Variants in PPP3CA observed in about 807,000 individuals in gnomAD.
PPP3CA encodes the protein protein phosphatase 3 catalytic subunit alpha.
Under a neutral mutation model 66.5 loss-of-function variants are expected in PPP3CA, and 14 were observed. The ratio of observed to expected loss-of-function variants is 0.21; its 90% CI spans 0.14 to 0.33. The LOEUF is 0.33. Among genes scored for constraint, PPP3CA ranks in the 10% least tolerant of loss-of-function variants. The probability of loss-of-function intolerance (pLI) is 1.00; values close to 1 mark genes in which losing one functional copy is unlikely to be tolerated. For missense variants in PPP3CA, 317 were observed against 639.5 expected (o/e 0.50, Z 5.44); for synonymous variants, 232 against 226.2 (o/e 1.03, Z -0.23).
At chr4:101,201,423 T>C (rs1724963818) in intron 1 of PPP3CA, among the ~76,000 whole-genome samples, 1 of 152,252 alleles carries the variant, frequency 6.6e-6, no homozygotes, top group Admixed American at 6.5e-5. Flanking sequence ...TGGTTTAGGG[T>C]AGGGCCAGGG....
chr4:101,265,355 C>T (rs537470127), intron 1 of PPP3CA, among the ~76,000 whole-genome samples: 2 of 152,180 alleles, frequency 1.3e-5, no homozygotes, highest in East Asian at 3.9e-4. Flanking sequence ...GTAATCTTTC[C>T]ACCTCAGCCT....
intron 1 of PPP3CA, among the ~76,000 whole-genome samples, chr4:101,225,416 T>C (rs1172237811): frequency 1.3e-5 from 2 of 151,782 alleles, no homozygotes; most frequent in African/African-American, 4.8e-5. Flanking sequence ...AAAAAAAGTC[T>C]CGTGATCTGG....
intron 2 of PPP3CA, among the ~76,000 whole-genome samples, chr4:101,137,663 T>C (rs953789150): frequency 6.6e-6 from 1 of 152,192 alleles, no homozygotes; most frequent in African/African-American, 2.4e-5. Flanking sequence ...GGTGTCTGCC[T>C]GTGGGATATT....
intron 1 of PPP3CA, among the ~76,000 whole-genome samples, chr4:101,298,376 T>C (rs940707703): frequency 6.6e-6 from 1 of 151,216 alleles, no homozygotes; most frequent in African/African-American, 2.5e-5. Context: ...GTTGACCCTT[T>C]AACAACGTAA....
intron 8 of PPP3CA, among the ~76,000 whole-genome samples, chr4:101,076,110 G>A (rs1401287316): frequency 1.3e-5 from 2 of 152,080 alleles, no homozygotes; most frequent in Non-Finnish European, 2.9e-5. Flanking sequence ...GAGTAATTAG[G>A]AAATAGGTTT....
chr4:101,295,270 C>T (rs1367380970), intron 1 of PPP3CA, among the ~76,000 whole-genome samples: 3 of 143,548 alleles, frequency 2.1e-5, no homozygotes, highest in Admixed American at 7.1e-5. Context: ...CACTGCAGTC[C>T]GCAGTCCGGC....
At chr4:101,094,070 T>C (rs1231621961) in intron 5 of PPP3CA, among the ~76,000 whole-genome samples, 155 bp from the exon 6 acceptor site, 1 of 152,106 alleles carries the variant, frequency 6.6e-6, no homozygotes, top group Non-Finnish European at 1.5e-5. Context: ...TTCCTGTCCT[T>C]CTTCCTACTC....
At chr4:101,200,746 C>A (rs1215885130) in intron 1 of PPP3CA, among the ~76,000 whole-genome samples, 2 of 152,098 alleles carry the variant, frequency 1.3e-5, no homozygotes, top group Non-Finnish European at 2.9e-5. Context: ...TGGAGCAAAA[C>A]TAGAAAACTC....
At chr4:101,046,261 G>A (rs1473839247) in intron 10 of PPP3CA, among the ~76,000 whole-genome samples, 5 of 150,730 alleles carry the variant, frequency 3.3e-5, no homozygotes, top group Non-Finnish European at 7.4e-5. Flanking sequence ...AAAACGACCA[G>A]TTTGAAAAAA....
At chr4:101,156,573 G>A (rs1723328456) in intron 2 of PPP3CA, among the ~76,000 whole-genome samples, 1 of 152,036 alleles carries the variant, frequency 6.6e-6, no homozygotes, top group Non-Finnish European at 1.5e-5. Context: ...CCAGCTACTC[G>A]GGAGACTGAG....
intron 1 of PPP3CA, among the ~76,000 whole-genome samples, chr4:101,342,113 A>T (rs1729837409): frequency 6.6e-6 from 1 of 152,220 alleles, no homozygotes; most frequent in Non-Finnish European, 1.5e-5. Flanking sequence ...AAATAAAACA[A>T]AGAGACAAAT....
chr4:101,243,767 A>G (rs1238256168), intron 1 of PPP3CA, among the ~76,000 whole-genome samples: 1 of 152,196 alleles, frequency 6.6e-6, no homozygotes, highest in Non-Finnish European at 1.5e-5. Context: ...ATTCTTGGCC[A>G]GGAGTTAAAC....
intron 2 of PPP3CA, among the ~76,000 whole-genome samples, chr4:101,157,732 T>A (rs929101283): frequency 2.0e-4 from 31 of 152,174 alleles, no homozygotes; most frequent in Non-Finnish European, 3.4e-4. Context: ...TTCAATGCTT[T>A]TTTTCTTCTG....
At chr4:101,241,974 T>C (rs1288630736) in intron 1 of PPP3CA, among the ~76,000 whole-genome samples, 6 of 152,180 alleles carry the variant, frequency 3.9e-5, no homozygotes, top group Admixed American at 3.9e-4. Flanking sequence ...GTCATAATTC[T>C]TTTAATATTC....
At chr4:101,076,307 C>CA (rs58667608) in intron 8 of PPP3CA, among the ~76,000 whole-genome samples, 5,751 of 127,188 alleles carry the variant, frequency 0.045, 129 homozygotes, top group Middle Eastern at 0.15. Flanking sequence ...GTTAATTCTC[C>CA]AAAAAAAAAA....
chr4:101,226,560 A>G (rs930223586), intron 1 of PPP3CA, among the ~76,000 whole-genome samples: 1 of 151,724 alleles, frequency 6.6e-6, no homozygotes, highest in Non-Finnish European at 1.5e-5. Flanking sequence ...CAGTAAATTC[A>G]TCAATTCAGT....
At chr4:101,272,680 C>T (rs184184295) in intron 1 of PPP3CA, among the ~76,000 whole-genome samples, 32 of 152,292 alleles carry the variant, frequency 2.1e-4, no homozygotes, top group Non-Finnish European at 4.4e-5. Context: ...TTATCTACCT[C>T]ATGAGATTAA....
At chr4:101,086,971 C>G (rs1729700343) in intron 6 of PPP3CA, among the ~76,000 whole-genome samples, 1 of 152,206 alleles carries the variant, frequency 6.6e-6, no homozygotes, top group African/African-American at 2.4e-5. Context: ...TTTGGCAAAG[C>G]AGAGGCAGGC....
chr4:101,302,233 T>C (rs901423366), intron 1 of PPP3CA, among the ~76,000 whole-genome samples: 1 of 152,126 alleles, frequency 6.6e-6, no homozygotes, highest in African/African-American at 2.4e-5. Context: ...AAGCATCAGC[T>C]CCCTCATTAG....
Sources: allele counts gnomAD v4.1 joint callset (sites outside exome capture counted in the v4.1 genomes callset), GRCh38; gene constraint gnomAD v4.1.1; transcripts MANE v1.5; gene names NCBI Gene and HGNC (gene_info 2026-07-23, HGNC 2026-07-21).